DOCK9: variants seen among roughly 807,000 people sequenced by gnomAD.
DOCK9 encodes the protein dedicator of cytokinesis 9.
DOCK9 carries 89 observed loss-of-function variants against 263.3 expected under a neutral mutation model. The observed-to-expected ratio is 0.34, with a 90% CI of 0.28 to 0.40. DOCK9 has a LOEUF of 0.40. DOCK9 is among the 10% of genes least tolerant of loss of function. The probability of loss-of-function intolerance (pLI) is 1.00; values close to 1 mark genes in which losing one functional copy is unlikely to be tolerated. For synonymous variants in DOCK9, 976 were observed against 973.1 expected, an observed-to-expected ratio of 1.00 and a Z score of -0.06; for missense variants, 2,140 against 2,603.4, an observed-to-expected ratio of 0.82 and a Z score of 3.87.
chr13:98,918,883 G>T (rs1266639903), intron 7 of DOCK9, among the ~76,000 whole-genome samples: 2 of 152,196 alleles, frequency 1.3e-5, no homozygotes, highest in African/African-American at 2.4e-5. Context: ...CATGGCAGGT[G>T]TGTGGGGCAG....
Position 98,825,791 on chromosome 13 carries a change from A to T in DOCK9, c.5023+1039T>A. 2.1e-6 allele frequency: 2 copies of T among 960,406 alleles called. No individual in the cohort carries two copies. The highest frequency in any genetic ancestry group is 2.9e-6 in the Non-Finnish European group (2 of 693,502). The allele number at this position is 960,406 out of a possible 1,614,324, so 59.5% of individuals were successfully genotyped here. On this transcript the variant is annotated intron_variant, in intron 44 of 52. Coordinates refer to ENST00000682017, the MANE Select transcript of DOCK9 (RefSeq NM_001366683.2). The surrounding 1 kb of genome is among the most constrained non-coding windows in gnomAD (Gnocchi z 4.1). ...GAGTGAAGTCTGTCCATGCAAAGTT[A>T]AAAGGGCAAATCCCCCACCACGGGA...
intron 1 of DOCK9, among the ~76,000 whole-genome samples, chr13:98,986,347 T>C (rs778280197): frequency 6.6e-6 from 1 of 152,248 alleles, no homozygotes; most frequent in Non-Finnish European, 1.5e-5. Flanking sequence ...ATTAGCTATC[T>C]AGCATCGGGG....
chr13:98,868,480 C>T (rs2094104144), intron 27 of DOCK9, 103 bp from the exon 28 acceptor site: 3 of 1,311,866 alleles, frequency 2.3e-6, no homozygotes, highest in Non-Finnish European at 3.1e-6. Context: ...CCCAGAGTTT[C>T]TAGCTGGGTG....
At chr13:99,029,120 G>A (rs1329294484) in intron 1 of DOCK9, among the ~76,000 whole-genome samples, 2 of 152,056 alleles carry the variant, frequency 1.3e-5, no homozygotes, top group East Asian at 3.9e-4. Flanking sequence ...TCTTCACCAG[G>A]GCAGCAGCAG....
chr13:99,076,411 A>AC (rs34256023), intron 1 of DOCK9, among the ~76,000 whole-genome samples: 42,425 of 152,164 alleles, frequency 0.28, 6,291 homozygotes, highest in East Asian at 0.43. Context: ...TACATTTTGT[A>AC]CAAGATGTGT....
At chr13:98,985,463 T>C (rs924555449) in intron 1 of DOCK9, among the ~76,000 whole-genome samples, 6 of 152,212 alleles carry the variant, frequency 3.9e-5, no homozygotes, top group African/African-American at 1.4e-4. Flanking sequence ...CATTGCTGTG[T>C]TCCCAGGTCC....
At chr13:98,955,295 C>T (rs981952164) in intron 2 of DOCK9, 140 bp downstream of exon 2, 12 of 503,158 alleles carry the variant, frequency 2.4e-5, no homozygotes, top group African/African-American at 3.9e-5. Context: ...CTCAAGCCTG[C>T]GTGACAGAGC....
In DOCK9 at chr13:98,870,151, T is replaced by A. The variant is rs565015631; in HGVS notation, c.2944-1774A>T. ...CTGGGAACTGCAACCTAGACATTTCTGACATGACAGCAGGCATTATATTAT... is the reference window on the plus strand; with the variant it reads ...CTGGGAACTGCAACCTAGACATTTCAGACATGACAGCAGGCATTATATTAT... On this transcript the variant is annotated intron_variant, in intron 27 of 52. Transcript: ENST00000682017. Among the ~76,000 whole-genome samples the A allele has an allele frequency of 6.6e-5, 10 of 152,350 alleles. No individual in the cohort carries two copies. The South Asian group carries it at 2.1e-3, about 32-fold the overall frequency.
At chr13:98,847,067 T>C (rs2093415211) in intron 37 of DOCK9, 1 of 156,796 alleles carries the variant, frequency 6.4e-6, no homozygotes, top group Non-Finnish European at 1.4e-5. Flanking sequence ...AGAAGTTAAA[T>C]TTATATCCAC....
intron 1 of DOCK9, among the ~76,000 whole-genome samples, chr13:99,027,865 C>T (rs545798256): frequency 4.6e-5 from 7 of 152,206 alleles, no homozygotes; most frequent in African/African-American, 1.7e-4. Context: ...ATTCACCAGT[C>T]TCACTACATA....
In DOCK9 at chr13:99,023,288, A is replaced by G. The variant is rs147674060; in HGVS notation, c.129+62935T>C. ...AATGTGGTATCTACACACACAATGG[A>G]ATACTATTCAGCCTTAAAATGCAAG... On this transcript the variant is annotated intron_variant, in intron 1 of 32. Coordinates refer to the DOCK9 transcript ENST00000427887. 8.7e-4 allele frequency among the ~76,000 whole-genome samples: 133 copies of G among 152,380 alleles called. No homozygotes were observed. The East Asian group carries it at 0.021, about 24-fold the overall frequency.
intron 1 of DOCK9, among the ~76,000 whole-genome samples, chr13:99,044,059 A>G (rs1283759407): frequency 2.6e-5 from 4 of 152,226 alleles, no homozygotes; most frequent in Non-Finnish European, 5.9e-5. Context: ...TTTATATGAC[A>G]GATTAGCTCT....
chr13:98,954,863 TACACAC>T lies in DOCK9; in HGVS notation c.243+566_243+571del, dbSNP rs71719426. On this transcript the variant is annotated intron_variant, in intron 2 of 52. Transcript: ENST00000682017. Reference sequence around the variant, plus strand: ...CAGAGTATAGCACTTTTATTCAAGATACACACACACACACACACACACACACACACA... The same window carrying T: ...CAGAGTATAGCACTTTTATTCAAGATACACACACACACACACACACACACA... Among the ~76,000 whole-genome samples, 979 of 146,576 alleles carry T rather than the reference TACACAC, an allele frequency of 6.7e-3. 19 individuals carry two copies. Among genetic ancestry groups the T allele is most frequent in the African/African-American group, 0.022 (878 of 39,708 alleles).
intron 1 of DOCK9, among the ~76,000 whole-genome samples, chr13:98,966,390 G>A (rs950731011): frequency 4.6e-5 from 7 of 152,274 alleles, no homozygotes; most frequent in South Asian, 4.1e-4. Context: ...CAGTAGTCTC[G>A]GCTTCTAATT....
intron 1 of DOCK9, among the ~76,000 whole-genome samples, chr13:99,026,443 C>T (rs987476329): frequency 6.6e-6 from 1 of 152,188 alleles, no homozygotes; most frequent in East Asian, 1.9e-4. Context: ...GCACTCCTGG[C>T]ACTGCATATG....
At chr13:98,940,943 G>A (rs942859110) in intron 2 of DOCK9, among the ~76,000 whole-genome samples, 39 of 152,030 alleles carry the variant, frequency 2.6e-4, no homozygotes, top group Admixed American at 2.0e-3. Flanking sequence ...TTTCAGTGAC[G>A]CCTCATTGCC....
At chr13:98,857,914 T>A (rs2093746555) in intron 33 of DOCK9, 1 of 152,172 alleles carries the variant, frequency 6.6e-6, no homozygotes, top group Non-Finnish European at 1.5e-5. Context: ...TATGACCAAA[T>A]TATAATTTTT....
rs762769430 is a variant in DOCK9 at position 98,824,393 on chromosome 13, C to T, written c.5130+5G>A. The T allele has an allele frequency of 9.3e-6, 15 of 1,613,264 alleles. No homozygotes were observed. In the Admixed American group the frequency reaches 1.0e-4, roughly 11 times the overall value. On this transcript the variant is annotated splice_donor_5th_base_variant and intron_variant, in intron 45 of 52. Transcript: ENST00000682017. ...CTGAAAGCCCACATGAGTTCAAGCA[C>T]GCACCTCGTTGAAATGGACATCCTG...
intron 1 of DOCK9, among the ~76,000 whole-genome samples, chr13:99,050,982 A>C (rs954372485): frequency 1.3e-5 from 2 of 152,194 alleles, no homozygotes; most frequent in African/African-American, 4.8e-5. Flanking sequence ...AGGTGGACGT[A>C]AGAAGGATGA....
Sources: allele counts gnomAD v4.1 joint callset (sites outside exome capture counted in the v4.1 genomes callset), GRCh38; gene constraint gnomAD v4.1.1; non-coding constraint Gnocchi (gnomAD v3.1); transcripts MANE v1.5; gene names NCBI Gene and HGNC (gene_info 2026-07-23, HGNC 2026-07-21).